The following LMNTD2 variants were observed in gnomAD, a reference collection of about 807,000 sequenced individuals.
The protein encoded by LMNTD2 is lamin tail domain-containing protein 2.
LMNTD2 carries 83 observed loss-of-function variants against 70.1 expected under a neutral mutation model. That is an observed-to-expected ratio of 1.18 (90% confidence interval 0.99 to 1.42). LMNTD2 has a LOEUF of 1.42. Ranked by LOEUF, LMNTD2 falls within the 40% of genes most tolerant of loss-of-function variation. LMNTD2 has a pLI of 0.00. For synonymous variants in LMNTD2, 534 were observed against 406.1 expected, an observed-to-expected ratio of 1.31 and a Z score of -3.79; for missense variants, 1,153 against 905.9, an observed-to-expected ratio of 1.27 and a Z score of -3.50.
chr11:555,235 G>A, intron 13 of LMNTD2, 70 bp downstream of exon 13: 10 of 922,426 alleles, frequency 1.1e-5, no homozygotes, highest in Non-Finnish European at 1.4e-5. Context: ...AGAGGGGAGG[G>A]AGGGGCGGGA....
chr11:556,827 C>A lies in LMNTD2; in HGVS notation c.976+8G>T. 1 of 1,560,032 alleles carries A rather than the reference C, an allele frequency of 6.4e-7. No individual in the cohort carries two copies. ...AAGGGTAACCAGGGGAGACCCGCCCCACTGCACCTTCTGAGTCCCTGCTGT... is the reference window on the plus strand; with the variant it reads ...AAGGGTAACCAGGGGAGACCCGCCCAACTGCACCTTCTGAGTCCCTGCTGT... On this transcript the variant is annotated splice_region_variant and intron_variant, in intron 8 of 13. Coordinates refer to ENST00000329451, the MANE Select transcript of LMNTD2 (RefSeq NM_173573.3).
rs941485022 is a variant in LMNTD2 at position 558,936 on chromosome 11, T to G, written c.78A>C (p.Ala26=). ...ACGTGGGAGTCTCGGGGGCTGCAGG[T>G]GCGCCTGCTGGAGGTCCCAGGTGAC... The part of the protein sequence containing the change: ...VSGHLGPPAG[A]PAAPETPTCL... Residue 26 remains alanine (A), a synonymous_variant, in exon 2 of 14, where the codon GCA becomes GCC. Transcript: ENST00000329451. 1 of 1,606,474 alleles carries G rather than the reference T, an allele frequency of 6.2e-7. No individual in the cohort carries two copies. Among genetic ancestry groups the G allele is most frequent in the Non-Finnish European group, 8.5e-7 (1 of 1,179,722 alleles).
chr11:560,502 T>A, intron 1 of LMNTD2, 181 bp downstream of exon 1: 1 of 1,267,660 alleles, frequency 7.9e-7, no homozygotes, highest in Non-Finnish European at 1.0e-6. Context: ...GCGTCCAGAC[T>A]ACTGCAGCTG....
intron 7 of LMNTD2, 114 bp from the exon 8 acceptor site, chr11:557,211 C>T: frequency 2.8e-6 from 4 of 1,446,648 alleles, no homozygotes; most frequent in Admixed American, 2.2e-5. Flanking sequence ...AGTACCCAGG[C>T]TCAGTTCATG....
Position 558,768 on chromosome 11 carries a change from T to C in LMNTD2, c.159-2A>G, listed in dbSNP as rs147165803. ...GGGTCCAGGGACTCAAGAGCCAACC[T>C]GCAGCGGCAGCAGACCCTGCTGCTT... On this transcript the variant is annotated splice_acceptor_variant, in intron 2 of 13. Transcript: ENST00000329451. LOFTEE classifies it high-confidence loss of function. 16 of 1,604,496 alleles carry C rather than the reference T, an allele frequency of 1.0e-5. No individual in the cohort carries two copies. The Admixed American group carries it at 2.5e-4, about 25-fold the overall frequency.
Position 558,802 on chromosome 11 carries a change from C to T in LMNTD2, c.159-36G>A, listed in dbSNP as rs189820659. ...AGCAGACCCTGCTGCTTACTCAGGC[C>T]GGCCCCTGGCCACCTGGCCCAGGAG... On this transcript the variant is annotated intron_variant, in intron 2 of 13. Coordinates refer to ENST00000329451, the MANE Select transcript of LMNTD2 (RefSeq NM_173573.3). The T allele has an allele frequency of 2.2e-5, 35 of 1,597,770 alleles. No homozygotes were observed. In the African/African-American group the frequency reaches 2.5e-4, roughly 12 times the overall value.
In LMNTD2 at chr11:555,374, C is replaced by A; in HGVS notation, c.1704G>T (p.Leu568=). 2 of 1,414,800 alleles carry A rather than the reference C, an allele frequency of 1.4e-6. No homozygotes were observed. The highest frequency in any genetic ancestry group is 9.2e-7 in the Non-Finnish European group (1 of 1,087,370). 87.6% of individuals were successfully genotyped at this position (1,414,800 alleles called of 1,614,324 possible). A position where few individuals can be genotyped will look rare whatever the true frequency, so the allele number is the denominator to read the frequency against. ...HLPAIPGDPT[L]PSPPAEAGLG... Reference sequence around the variant, plus strand: ...GCCCGGCCTCTGCGGGAGGCGACGGCAGGGTGGGGTCACCCGGGATGGCGG... The same window carrying A: ...GCCCGGCCTCTGCGGGAGGCGACGGAAGGGTGGGGTCACCCGGGATGGCGG... The change falls in exon 13 of 14, where the codon CTG becomes CTT. Residue 568 remains leucine (L), a synonymous_variant. Coordinates refer to ENST00000329451, the MANE Select transcript of LMNTD2 (RefSeq NM_173573.3).
rs1852862502 is a variant in LMNTD2, at chr11:556,252, G to T, written c.1197C>A (p.Phe399Leu). The change falls in exon 10 of 14, where the codon TTC becomes TTA. Residue 399 changes from phenylalanine (F) to leucine (L), a missense_variant. Phe to Leu is a conservative substitution (Grantham distance 22, BLOSUM62 0). Coordinates refer to ENST00000329451, the MANE Select transcript of LMNTD2 (RefSeq NM_173573.3). ...GMVLKQLVRG[F>L]PERLYRFPPG... Reference sequence around the variant, plus strand: ...GCGGGAAGCGGTACAGGCGCTCCGGGAAGCCGCGCACCAGCTGCTTCAGCA... The same window carrying T: ...GCGGGAAGCGGTACAGGCGCTCCGGTAAGCCGCGCACCAGCTGCTTCAGCA... The T allele has an allele frequency of 2.6e-6, 4 of 1,529,776 alleles. No homozygotes were observed. Among genetic ancestry groups the T allele is most frequent in the Middle Eastern group, 1.8e-4 (1 of 5,570 alleles). 94.8% of individuals were successfully genotyped at this position (1,529,776 alleles called of 1,614,324 possible). A position where few individuals can be genotyped will look rare whatever the true frequency, so the allele number is the denominator to read the frequency against.
intron 4 of LMNTD2, 55 bp from the exon 5 acceptor site, chr11:558,094 CCCAGG>C (rs1853017161): frequency 1.3e-6 from 2 of 1,599,808 alleles, no homozygotes; most frequent in East Asian, 4.5e-5. Context: ...GCAGAAGGCC[CCCAGG>C]CCAGCCCCAG....
At chr11:555,683 G>A (rs1852806618) in intron 12 of LMNTD2, 51 bp downstream of exon 12, 1 of 1,358,162 alleles carries the variant, frequency 7.4e-7, no homozygotes, top group Non-Finnish European at 9.4e-7. Context: ...CGTTTCTGCT[G>A]GGTCGGGGCC....
chr11:558,131 C>T lies in LMNTD2; in HGVS notation c.399+30G>A, dbSNP rs563038072. The T allele has an allele frequency of 1.2e-5, 20 of 1,611,456 alleles. No homozygotes were observed. The East Asian group carries it at 3.3e-4, about 27-fold the overall frequency. On this transcript the variant is annotated intron_variant, in intron 4 of 13. Coordinates refer to ENST00000329451, the MANE Select transcript of LMNTD2 (RefSeq NM_173573.3). Reference sequence around the variant, plus strand: ...CCAGCCTGGCTCCCCAACACCAGGACCCTGCCCACTCCCTGTGCCCCTGCC... The same window carrying T: ...CCAGCCTGGCTCCCCAACACCAGGATCCTGCCCACTCCCTGTGCCCCTGCC...
intron 1 of LMNTD2, chr11:559,402 G>A: frequency 5.3e-6 from 7 of 1,312,920 alleles, no homozygotes; most frequent in Non-Finnish European, 7.0e-6. Context: ...CCGTTGCCAT[G>A]GATACCAGCA....
intron 13 of LMNTD2, 59 bp from the exon 14 acceptor site, chr11:555,170 A>AGCGGCGAGGAGGGGCGGGGC: frequency 4.9e-6 from 1 of 202,118 alleles, no homozygotes; most frequent in Non-Finnish European, 8.1e-6. Flanking sequence ...AGGGGAGGGG[A>AGCGGCGAGGAGGGGCGGGGC]GGGGAGGAGA....
intron 1 of LMNTD2, 41 bp from the exon 2 acceptor site, chr11:559,020 C>T (rs1170020360): frequency 3.8e-6 from 6 of 1,586,848 alleles, no homozygotes; most frequent in Admixed American, 1.7e-5. Flanking sequence ...TTTCTTCAAC[C>T]TCCTGGCCAG....
rs768271919 is a variant in LMNTD2 at position 558,774 on chromosome 11, G to T, written c.159-8C>A. Reference sequence around the variant, plus strand: ...AGGGACTCAAGAGCCAACCTGCAGCGGCAGCAGACCCTGCTGCTTACTCAG... The same window carrying T: ...AGGGACTCAAGAGCCAACCTGCAGCTGCAGCAGACCCTGCTGCTTACTCAG... On this transcript the variant is annotated splice_region_variant and splice_polypyrimidine_tract_variant and intron_variant, in intron 2 of 13. Transcript: ENST00000329451. 4.4e-6 allele frequency: 7 copies of T among 1,603,414 alleles called. No individual in the cohort carries two copies. In the South Asian group the frequency reaches 5.5e-5, roughly 13 times the overall value.
chr11:559,547 C>A, intron 1 of LMNTD2: 2 of 1,219,600 alleles, frequency 1.6e-6, no homozygotes, highest in Non-Finnish European at 1.1e-6. Context: ...AGCGGGGGGA[C>A]CACTTAGTGA....
chr11:556,307 T>C lies in LMNTD2; in HGVS notation c.1142A>G (p.Gln381Arg). The part of the protein sequence containing the change: ...EKFVRIFNPS[Q>R]ESTADLSGMV... Reference sequence around the variant, plus strand: ...GCCGCTCAGGTCGGCCGTGCTCTCCTGCGACGGGTTGAAGATGCGGACGAA... The same window carrying C: ...GCCGCTCAGGTCGGCCGTGCTCTCCCGCGACGGGTTGAAGATGCGGACGAA... The change falls in exon 10 of 14, where the codon CAG (glutamine) becomes CGG (arginine). Residue 381 changes from glutamine (Q) to arginine (R), a missense_variant. Transcript: ENST00000329451. The C allele has an allele frequency of 1.3e-6, 2 of 1,535,642 alleles. No individual in the cohort carries two copies. Among genetic ancestry groups the C allele is most frequent in the Non-Finnish European group, 1.7e-6 (2 of 1,146,666 alleles).
chr11:558,282 T>C, intron 3 of LMNTD2, 34 bp from the exon 4 acceptor site: 3 of 1,603,810 alleles, frequency 1.9e-6, no homozygotes, highest in Non-Finnish European at 2.6e-6. Flanking sequence ...GCCCCCACCC[T>C]GCTCAGGCAG....
At chr11:558,480 A>G (rs1853049776) in intron 3 of LMNTD2, 134 bp downstream of exon 3, 4 of 1,214,230 alleles carry the variant, frequency 3.3e-6, no homozygotes, top group Non-Finnish European at 4.5e-6. Context: ...ACTTAGGATC[A>G]GGGTGGAGGG....
Sources: allele counts gnomAD v4.1 joint callset, GRCh38; gene constraint gnomAD v4.1.1; transcripts MANE v1.5; gene names NCBI Gene and HGNC (gene_info 2026-07-23, HGNC 2026-07-21).